The following ENTREP2 variants were observed in gnomAD, a reference collection of about 807,000 sequenced individuals.
ENTREP2 encodes the protein protein ENTREP2.
At chr15:29,369,315 G>A in the ENTREP2 span, among the ~76,000 whole-genome samples, 3 of 152,142 alleles carry the variant, frequency 2.0e-5, no homozygotes, top group Non-Finnish European at 4.4e-5. Flanking sequence ...AGGCCAAAGA[G>A]AGAAGCTTGA....
At chr15:29,317,409 G>A in the ENTREP2 span, among the ~76,000 whole-genome samples, 2 of 152,076 alleles carry the variant, frequency 1.3e-5, no homozygotes, top group African/African-American at 2.4e-5. Context: ...AAATGTCCTG[G>A]TAAATAGAAT....
chr15:29,414,296 C>T, the ENTREP2 span, among the ~76,000 whole-genome samples: 4 of 152,080 alleles, frequency 2.6e-5, no homozygotes, highest in Admixed American at 1.3e-4. Flanking sequence ...TATAAGGAAC[C>T]GTCTCTCAGA....
chr15:29,204,284 G>T, the ENTREP2 span, among the ~76,000 whole-genome samples: 28 of 152,312 alleles, frequency 1.8e-4, no homozygotes, highest in African/African-American at 5.3e-4. Context: ...CAGCCTGTCT[G>T]GGAGTAGAAA....
the ENTREP2 span, among the ~76,000 whole-genome samples, chr15:29,596,228 C>T: frequency 6.6e-6 from 1 of 152,094 alleles, no homozygotes; most frequent in Non-Finnish European, 1.5e-5. Context: ...TATAGATATA[C>T]CTCTGCATAT....
chr15:29,203,649 C>T, the ENTREP2 span, among the ~76,000 whole-genome samples: 4 of 152,106 alleles, frequency 2.6e-5, no homozygotes, highest in Non-Finnish European at 5.9e-5. Flanking sequence ...ATATACGAGG[C>T]ATTATTTATT....
the ENTREP2 span, among the ~76,000 whole-genome samples, chr15:29,310,331 G>C: frequency 6.6e-6 from 1 of 152,156 alleles, no homozygotes; most frequent in Non-Finnish European, 1.5e-5. Context: ...AAGCTCCTAC[G>C]CAGCAACTCA....
chr15:29,598,733 G>T, the ENTREP2 span, among the ~76,000 whole-genome samples: 2 of 151,706 alleles, frequency 1.3e-5, no homozygotes, highest in Non-Finnish European at 1.5e-5. Flanking sequence ...GTCTCGCTTT[G>T]TCGCCCAGGC....
At chr15:29,159,143 C>T in the ENTREP2 span, among the ~76,000 whole-genome samples, 3 of 152,000 alleles carry the variant, frequency 2.0e-5, no homozygotes, top group Non-Finnish European at 4.4e-5. Flanking sequence ...TTAAAGGTGG[C>T]GTGTCTGGAG....
At chr15:29,421,901 A>T in the ENTREP2 span, among the ~76,000 whole-genome samples, 1 of 152,198 alleles carries the variant, frequency 6.6e-6, no homozygotes, top group African/African-American at 2.4e-5. Flanking sequence ...AACGGACTCT[A>T]AGTCCTGGAC....
chr15:29,565,497 T>C, the ENTREP2 span, among the ~76,000 whole-genome samples: 2 of 152,100 alleles, frequency 1.3e-5, no homozygotes, highest in Admixed American at 6.5e-5. Context: ...ACTGAATAAC[T>C]TGTAATAATT....
chr15:29,580,816 C>T, the ENTREP2 span, among the ~76,000 whole-genome samples: 1 of 152,014 alleles, frequency 6.6e-6, no homozygotes, highest in African/African-American at 2.4e-5. Flanking sequence ...TTTGAATTTC[C>T]CACAGTGTAC....
the ENTREP2 span, among the ~76,000 whole-genome samples, chr15:29,392,226 T>G: frequency 6.6e-6 from 1 of 152,028 alleles, no homozygotes; most frequent in Non-Finnish European, 1.5e-5. Context: ...CCTCCCAAAG[T>G]GCAGGGATTA....
chr15:29,562,993 C>A, the ENTREP2 span, among the ~76,000 whole-genome samples: 1 of 152,002 alleles, frequency 6.6e-6, no homozygotes, highest in East Asian at 1.9e-4. Flanking sequence ...GGTTTTGCCA[C>A]GTTGTCCAGG....
chr15:29,272,080 A>G, the ENTREP2 span, among the ~76,000 whole-genome samples: 2 of 152,324 alleles, frequency 1.3e-5, no homozygotes, highest in South Asian at 4.2e-4. Context: ...GCAGACTGTC[A>G]TTACTCAAGA....
the ENTREP2 span, chr15:29,269,865 G>A: frequency 2.9e-6 from 2 of 692,658 alleles, no homozygotes; most frequent in Non-Finnish European, 4.3e-6. Flanking sequence ...CAGGGCGGCT[G>A]GGCGGTGCGC....
chr15:29,381,777 C>T, the ENTREP2 span: 12 of 1,551,362 alleles, frequency 7.7e-6, no homozygotes, highest in Non-Finnish European at 1.0e-5. Context: ...CCACTTACCA[C>T]AAGGGAGAGA....
At chr15:29,517,927 T>C in the ENTREP2 span, among the ~76,000 whole-genome samples, 2 of 152,330 alleles carry the variant, frequency 1.3e-5, no homozygotes, top group Admixed American at 6.5e-5. Context: ...ATAGCTCTGA[T>C]GTTTTGTACA....
chr15:29,673,703 A>G, the ENTREP2 span, among the ~76,000 whole-genome samples: 788 of 152,306 alleles, frequency 5.2e-3, 6 homozygotes, highest in African/African-American at 0.018. Flanking sequence ...TCCCCAGGCA[A>G]GAAGGGAGTT....
the ENTREP2 span, among the ~76,000 whole-genome samples, chr15:29,420,016 T>C: frequency 2.0e-5 from 3 of 152,106 alleles, no homozygotes; most frequent in Non-Finnish European, 4.4e-5. Flanking sequence ...TTGGAAGTTA[T>C]GAAAAGGACA....
Sources: allele counts gnomAD v4.1 joint callset (sites outside exome capture counted in the v4.1 genomes callset), GRCh38; gene constraint gnomAD v4.1.1; transcripts MANE v1.5; gene names NCBI Gene and HGNC (gene_info 2026-07-23, HGNC 2026-07-21).